KALRN: variants seen among roughly 807,000 people sequenced by gnomAD.
KALRN encodes kalirin.
A neutral mutation model predicts 353.7 loss-of-function variants in KALRN; 70 were observed. That is an observed-to-expected ratio of 0.20 (90% CI 0.16 to 0.24). The LOEUF is 0.24. Ranked by LOEUF, KALRN falls within the 10% of genes least tolerant of loss-of-function variation. KALRN has a pLI of 1.00. For synonymous variants in KALRN, 1,391 were observed against 1,434.8 expected (o/e 0.97, Z 0.69); for missense variants, 2,791 against 3,756.7 (o/e 0.74, Z 6.72).
intron 1 of KALRN, among the ~76,000 whole-genome samples, chr3:124,187,712 GAAATA>G (rs1364166388): frequency 6.6e-6 from 1 of 152,192 alleles, no homozygotes; most frequent in African/African-American, 2.4e-5. Context: ...GTGCCAAGGT[GAAATA>G]AAAGAAAGGG....
At chr3:124,582,919 T>G (rs1578140560) in intron 34 of KALRN, among the ~76,000 whole-genome samples, 1 of 152,100 alleles carries the variant, frequency 6.6e-6, no homozygotes, top group East Asian at 1.9e-4. Context: ...ACAGGTATGG[T>G]CCACCAAGCA....
intron 11 of KALRN, among the ~76,000 whole-genome samples, chr3:124,394,073 T>C (rs140617442): frequency 1.0e-3 from 156 of 152,378 alleles, no homozygotes; most frequent in African/African-American, 3.5e-3. Flanking sequence ...AACTAACCAA[T>C]TTATTTTGTG....
chr3:124,039,530 T>C (rs1196666649), intron 1 of KALRN, among the ~76,000 whole-genome samples: 2 of 152,258 alleles, frequency 1.3e-5, no homozygotes, highest in Non-Finnish European at 2.9e-5. Context: ...TAAGTGATGG[T>C]TTGTTTATAT....
At chr3:124,474,802 A>G in intron 26 of KALRN, 70 bp downstream of exon 26, 1 of 1,215,670 alleles carries the variant, frequency 8.2e-7, no homozygotes. Flanking sequence ...TGACCTAAGG[A>G]CTGGAGTCAT....
intron 26 of KALRN, among the ~76,000 whole-genome samples, chr3:124,475,965 T>C (rs2061393316): frequency 6.6e-6 from 1 of 152,078 alleles, no homozygotes; most frequent in Non-Finnish European, 1.5e-5. Context: ...AGATTGACCA[T>C]TAAGTAAAGG....
chr3:124,231,779 T>C (rs1393365700), intron 2 of KALRN, among the ~76,000 whole-genome samples: 1 of 152,202 alleles, frequency 6.6e-6, no homozygotes, highest in Non-Finnish European at 1.5e-5. Flanking sequence ...TTTATGTGTC[T>C]GTGATGCATA....
rs144832290 is a variant in KALRN, at chr3:124,045,094, G to A, written c.73+11281G>A. Among the ~76,000 whole-genome samples the A allele has an allele frequency of 3.0e-3, 451 of 152,144 alleles. 2 individuals carry two copies. The highest frequency in any genetic ancestry group is 0.01 in the African/African-American group (432 of 41,484). On this transcript the variant is annotated intron_variant, in intron 1 of 59. Transcript: ENST00000682506. ...GACAATGGGCATCTATGGGGTGGGG[G>A]CACAATATTGAGTTGGCAGCTGGAC...
intron 5 of KALRN, among the ~76,000 whole-genome samples, chr3:124,270,930 C>T (rs559767183): frequency 1.4e-4 from 21 of 147,834 alleles, no homozygotes; most frequent in Middle Eastern, 7.1e-3. Context: ...CCCGGGTTCA[C>T]GCCATTCTCC....
At chr3:124,434,273 C>T in intron 16 of KALRN, 34 bp from the exon 17 acceptor site, 1 of 1,589,482 alleles carries the variant, frequency 6.3e-7, no homozygotes, top group Non-Finnish European at 8.6e-7. Flanking sequence ...CTGGGTTGTT[C>T]CCACGGACCT....
At chr3:124,330,286 A>ACC (rs1553916046) in intron 8 of KALRN, among the ~76,000 whole-genome samples, 21 of 132,506 alleles carry the variant, frequency 1.6e-4, no homozygotes, top group South Asian at 9.9e-4. Context: ...ACACACACAC[A>ACC]CCCCATACAC....
chr3:124,650,717 C>A, intron 37 of KALRN, 91 bp from the exon 38 acceptor site: 1 of 1,304,512 alleles, frequency 7.7e-7, no homozygotes, highest in Non-Finnish European at 1.1e-6. Context: ...ACTGATTTTC[C>A]ATGTTGTCTG....
intron 9 of KALRN, among the ~76,000 whole-genome samples, chr3:124,336,739 G>C (rs917380803): frequency 6.6e-6 from 1 of 152,160 alleles, no homozygotes; most frequent in African/African-American, 2.4e-5. Flanking sequence ...TTAAGACCCT[G>C]TCAGTTCATC....
chr3:124,650,935 G>C lies in KALRN; in HGVS notation c.5792G>C (p.Arg1931Thr). 1 of 1,614,026 alleles carries C rather than the reference G, an allele frequency of 6.2e-7. No individual in the cohort carries two copies. ...CAGAAAGCCAAGGCCCTGAGAGGCAGGATGTAAGTGGCTTCCCCAGTTCCT... is the reference window on the plus strand; with the variant it reads ...CAGAAAGCCAAGGCCCTGAGAGGCACGATGTAAGTGGCTTCCCCAGTTCCT... The part of the protein sequence containing the change: ...EEQKAKALRG[R>T]MFVLNELVQT... The change falls in exon 38 of 60, where the codon AGG becomes ACG. Residue 1931 changes from arginine to threonine, a missense_variant. By Grantham distance (71) the Arg-to-Thr change is moderately conservative (BLOSUM62 -1). Coordinates refer to ENST00000682506, the MANE Select transcript of KALRN (RefSeq NM_001388419.1).
intron 10 of KALRN, among the ~76,000 whole-genome samples, chr3:124,381,086 G>A (rs1309544494): frequency 6.6e-6 from 1 of 152,168 alleles, no homozygotes; most frequent in Non-Finnish European, 1.5e-5. Flanking sequence ...CCATGGAGAG[G>A]GTTGGTATAG....
chr3:124,426,578 C>T (rs3772753), intron 15 of KALRN, among the ~76,000 whole-genome samples: 12,110 of 152,126 alleles, frequency 0.08, 603 homozygotes, highest in East Asian at 0.19. Context: ...GGACTCAGAA[C>T]AAATGAAATT....
intron 38 of KALRN, among the ~76,000 whole-genome samples, chr3:124,653,348 C>T (rs1158724992): frequency 1.3e-5 from 2 of 152,128 alleles, no homozygotes; most frequent in African/African-American, 4.8e-5. Flanking sequence ...AGTCATTCAA[C>T]AAATACTGGT....
At chr3:124,509,161 T>A (rs1363900878) in intron 33 of KALRN, among the ~76,000 whole-genome samples, 1 of 152,228 alleles carries the variant, frequency 6.6e-6, no homozygotes, top group Non-Finnish European at 1.5e-5. Context: ...AGGCTATACA[T>A]TGGTAAGTTA....
chr3:124,347,845 A>C (rs772892049), intron 10 of KALRN, among the ~76,000 whole-genome samples: 33 of 152,268 alleles, frequency 2.2e-4, no homozygotes, highest in Middle Eastern at 6.8e-3. Flanking sequence ...ACAATATTTA[A>C]ACTGCCATTT....
intron 58 of KALRN, among the ~76,000 whole-genome samples, chr3:124,715,729 C>A (rs78747398): frequency 0.02 from 2,978 of 152,274 alleles, 97 homozygotes; most frequent in African/African-American, 0.066. Context: ...CATTTCTGAC[C>A]CTGCATCAGG....
Sources: allele counts gnomAD v4.1 joint callset (sites outside exome capture counted in the v4.1 genomes callset), GRCh38; gene constraint gnomAD v4.1.1; transcripts MANE v1.5; gene names NCBI Gene and HGNC (gene_info 2026-07-23, HGNC 2026-07-21).